Variants in ARAP2 observed in about 807,000 individuals in gnomAD.
The protein encoded by ARAP2 is ArfGAP with RhoGAP domain, ankyrin repeat and PH domain 2, also known as arf-GAP with Rho-GAP domain, ANK repeat and PH domain-containing protein 2.
A neutral mutation model predicts 194.5 loss-of-function variants in ARAP2; 148 were observed. That is an observed-to-expected ratio of 0.76 (90% CI 0.67 to 0.87). The LOEUF is 0.87. Among genes scored for constraint, ARAP2 ranks in the 40% least tolerant of loss-of-function variants. The probability of loss-of-function intolerance (pLI) is 0.00; values close to 1 mark genes in which losing one functional copy is unlikely to be tolerated. For missense variants in ARAP2, 2,128 were observed against 1,989.7 expected, an observed-to-expected ratio of 1.07 and a Z score of -1.32; for synonymous variants, 695 against 683.5, an observed-to-expected ratio of 1.02 and a Z score of -0.26.
intron 28 of ARAP2, among the ~76,000 whole-genome samples, chr4:36,084,020 T>A (rs111882685): frequency 4.6e-5 from 7 of 152,074 alleles, no homozygotes; most frequent in Non-Finnish European, 7.4e-5. Flanking sequence ...GTCCTTCAGC[T>A]TTTGTACTCT....
chr4:36,164,680 T>C (rs1302357535), intron 11 of ARAP2, among the ~76,000 whole-genome samples: 3 of 152,214 alleles, frequency 2.0e-5, no homozygotes, highest in Non-Finnish European at 4.4e-5. Context: ...TTAAAATCTA[T>C]ACATGGACCA....
At chr4:36,139,233 G>A (rs960318826) in intron 19 of ARAP2, among the ~76,000 whole-genome samples, 5 of 151,414 alleles carry the variant, frequency 3.3e-5, no homozygotes, top group African/African-American at 1.2e-4. Flanking sequence ...TAGAAGTGGT[G>A]GGAATAAATA....
intron 8 of ARAP2, among the ~76,000 whole-genome samples, chr4:36,014,309 GGAAAGAAAGAAAGAGAGAAA>G (rs1428111287): frequency 3.5e-5 from 3 of 85,250 alleles, no homozygotes; most frequent in South Asian, 3.8e-4. Context: ...AGAGAAGGAA[GGAAAGAAAGAAAGAGAGAAA>G]GAAAGAAAGA....
chr4:36,243,629 C>A (rs1271262734), intron 1 of ARAP2: 1 of 152,104 alleles, frequency 6.6e-6, no homozygotes, highest in Non-Finnish European at 1.5e-5. Context: ...AGGATGGACA[C>A]CACTTCTCCC....
chr4:36,026,348 C>T (rs1026179048), intron 5 of ARAP2, among the ~76,000 whole-genome samples: 2 of 152,184 alleles, frequency 1.3e-5, no homozygotes, highest in African/African-American at 2.4e-5. Context: ...TGGAAGAACT[C>T]ATGCTATTGG....
chr4:36,213,456 C>G, intron 3 of ARAP2, 137 bp from the exon 4 acceptor site: 1 of 604,176 alleles, frequency 1.7e-6, no homozygotes, highest in Middle Eastern at 4.6e-4. Flanking sequence ...CCAAATTATG[C>G]TAATTCTTAT....
intron 6 of ARAP2, among the ~76,000 whole-genome samples, chr4:36,196,057 C>A (rs896655925): frequency 3.3e-5 from 5 of 152,196 alleles, no homozygotes; most frequent in Non-Finnish European, 7.4e-5. Context: ...TAATCAGCAT[C>A]TTTTAAAAGA....
chr4:36,126,477 G>T (rs1240840312), intron 21 of ARAP2, among the ~76,000 whole-genome samples: 1 of 151,956 alleles, frequency 6.6e-6, no homozygotes, highest in African/African-American at 2.4e-5. Context: ...TAGAAGAACA[G>T]ATCATATGTC....
chr4:36,012,640 G>A (rs1213106125), exon 9 of ARAP2: 1 of 152,154 alleles, frequency 6.6e-6, no homozygotes, highest in African/African-American at 2.4e-5. Flanking sequence ...CTCCTTTAAA[G>A]GGCGGTGTAG....
chr4:36,101,820 C>T (rs938503723), intron 27 of ARAP2, among the ~76,000 whole-genome samples: 1 of 151,948 alleles, frequency 6.6e-6, no homozygotes, highest in South Asian at 2.1e-4. Context: ...TGTCTCCTAT[C>T]CTGGGATACT....
intron 8 of ARAP2, among the ~76,000 whole-genome samples, chr4:36,014,309 G>GGAAAGAAAGA: frequency 1.2e-5 from 1 of 85,204 alleles, no homozygotes; most frequent in Non-Finnish European, 2.3e-5. Context: ...AGAGAAGGAA[G>GGAAAGAAAGA]GAAAGAAAGA....
intron 8 of ARAP2, among the ~76,000 whole-genome samples, chr4:36,185,044 C>G (rs1029766467): frequency 2.0e-5 from 3 of 152,144 alleles, no homozygotes; most frequent in African/African-American, 7.2e-5. Context: ...TTTGAAAATT[C>G]AGATAGTAAA....
At chr4:36,094,739 C>T (rs901941511) in intron 27 of ARAP2, among the ~76,000 whole-genome samples, 1 of 152,076 alleles carries the variant, frequency 6.6e-6, no homozygotes, top group East Asian at 1.9e-4. Flanking sequence ...ATGTGGAGCA[C>T]GAGGCAAGCA....
At position 36,150,888 on chromosome 4, in the gene ARAP2, T is replaced by C; in HGVS notation, c.2897+12A>G. ...TACCTTTTACCTCCTAATTGTGTAA[T>C]GACAGACCTACCCAGTATTTAAATA... On this transcript the variant is annotated intron_variant, in intron 16 of 32. Transcript: ENST00000303965. 6.2e-7 allele frequency: 1 copy of C among 1,608,048 alleles called. No homozygotes were observed. Among genetic ancestry groups the C allele is most frequent in the Non-Finnish European group, 8.5e-7 (1 of 1,177,936 alleles).
intron 6 of ARAP2, 58 bp downstream of exon 6, chr4:36,210,332 G>A: frequency 1.4e-6 from 2 of 1,467,754 alleles, no homozygotes; most frequent in Non-Finnish European, 9.2e-7. Context: ...GTTTAGAAAT[G>A]AATAAACTTG....
chr4:36,017,586 A>AAAAAAAC (rs1423725487), intron 6 of ARAP2, among the ~76,000 whole-genome samples: 1 of 150,258 alleles, frequency 6.7e-6, no homozygotes, highest in East Asian at 1.9e-4. Context: ...AAAAAAAAAA[A>AAAAAAAC]AGCTTTCTGT....
At chr4:36,095,591 C>T (rs1453759520) in intron 27 of ARAP2, among the ~76,000 whole-genome samples, 2 of 152,132 alleles carry the variant, frequency 1.3e-5, no homozygotes, top group African/African-American at 4.8e-5. Flanking sequence ...AAAAGGGTAG[C>T]TCCTTTAACA....
At chr4:36,097,751 T>A (rs1715697762) in intron 27 of ARAP2, among the ~76,000 whole-genome samples, 1 of 152,132 alleles carries the variant, frequency 6.6e-6, no homozygotes, top group Non-Finnish European at 1.5e-5. Context: ...TACCTTTTGA[T>A]CTTTCATTCC....
At chr4:36,236,202 T>C (rs1272073177) in intron 1 of ARAP2, among the ~76,000 whole-genome samples, 4 of 147,452 alleles carry the variant, frequency 2.7e-5, no homozygotes, top group Admixed American at 6.7e-5. Context: ...AAAAAATTAA[T>C]GGGTTGGACA....
Sources: allele counts gnomAD v4.1 joint callset (sites outside exome capture counted in the v4.1 genomes callset), GRCh38; gene constraint gnomAD v4.1.1; transcripts MANE v1.5; gene names NCBI Gene and HGNC (gene_info 2026-07-23, HGNC 2026-07-21).